Variants in P2RY6 observed in about 807,000 individuals in gnomAD.
The protein encoded by P2RY6 is P2Y purinoceptor 6.
In P2RY6, 19 loss-of-function variants were observed where a neutral mutation model predicts 16.3. The ratio of observed to expected loss-of-function variants is 1.16; its 90% CI spans 0.81 to 1.71. The LOEUF (loss-of-function observed/expected upper bound fraction) is 1.71, where lower values mean the gene tolerates loss of function less well. P2RY6 is among the 40% of genes most tolerant of loss of function. P2RY6 has a pLI of 0.00. For synonymous variants in P2RY6, 184 were observed against 201.5 expected (o/e 0.91, Z 0.74); for missense variants, 389 against 455.5 (o/e 0.85, Z 1.33).
At chr11:73,276,011 AACCTAGGACT>A (rs1863520243) in intron 1 of P2RY6, among the ~76,000 whole-genome samples, 1 of 152,260 alleles carries the variant, frequency 6.6e-6, no homozygotes, top group African/African-American at 2.4e-5. Flanking sequence ...GAGGGGATCA[AACCTAGGACT>A]ATCTGTCCCC....
At chr11:73,289,648 C>T (rs2135738924) in intron 1 of P2RY6, among the ~76,000 whole-genome samples, 1 of 152,362 alleles carries the variant, frequency 6.6e-6, no homozygotes, top group Middle Eastern at 3.4e-3. Flanking sequence ...TCCTCTGGCG[C>T]CATCTCATGG....
chr11:73,283,455 G>T (rs1863843667), intron 1 of P2RY6, among the ~76,000 whole-genome samples: 1 of 152,166 alleles, frequency 6.6e-6, no homozygotes, highest in Admixed American at 6.5e-5. Context: ...GCCCTTTCCT[G>T]GAAGCCAGAG....
rs183747005 is a variant in P2RY6, at chr11:73,298,569, A to T, written c.*1064A>T. The T allele has an allele frequency of 6.6e-4, 110 of 166,142 alleles. No homozygotes were observed. 10.3% of individuals were successfully genotyped at this position (166,142 alleles called of 1,614,324 possible). On this transcript the variant is annotated 3_prime_UTR_variant, in exon 3 of 3. Coordinates refer to ENST00000540124, the MANE Select transcript of P2RY6 (RefSeq NM_001277204.2). Reference sequence around the variant, plus strand: ...TGCTTGAGCCCAAGAGTTTTAGACCAGCCTGGGCAACACAGTAAGACCCTG... The same window carrying T: ...TGCTTGAGCCCAAGAGTTTTAGACCTGCCTGGGCAACACAGTAAGACCCTG...
At chr11:73,289,675 C>T (rs983267558) in intron 1 of P2RY6, among the ~76,000 whole-genome samples, 54 of 152,324 alleles carry the variant, frequency 3.5e-4, no homozygotes, top group African/African-American at 1.0e-3. Flanking sequence ...GGTCTCAATG[C>T]AGGGAAGACC....
At chr11:73,292,508 T>C (rs1864298557) in intron 1 of P2RY6, among the ~76,000 whole-genome samples, 1 of 152,158 alleles carries the variant, frequency 6.6e-6, no homozygotes, top group Admixed American at 6.5e-5. Flanking sequence ...CCCTACCCAT[T>C]TGACAACTGA....
intron 1 of P2RY6, among the ~76,000 whole-genome samples, chr11:73,281,938 A>G (rs1221163975): frequency 6.6e-6 from 1 of 152,208 alleles, no homozygotes; most frequent in African/African-American, 2.4e-5. Context: ...AACCAAAGCC[A>G]TGCCTTTGCT....
chr11:73,277,337 C>T (rs940606157), intron 1 of P2RY6, among the ~76,000 whole-genome samples: 3 of 95,588 alleles, frequency 3.1e-5, no homozygotes, highest in African/African-American at 2.2e-4. Flanking sequence ...CAGTCTCAAA[C>T]TCTGCCTCCC....
At chr11:73,293,780 C>T (rs1433031435) in intron 1 of P2RY6, among the ~76,000 whole-genome samples, 2 of 152,186 alleles carry the variant, frequency 1.3e-5, no homozygotes, top group East Asian at 3.9e-4. Flanking sequence ...CCAGGAGGAT[C>T]AGTCTCACCA....
At chr11:73,292,297 G>A (rs188716371) in intron 1 of P2RY6, among the ~76,000 whole-genome samples, 11 of 151,378 alleles carry the variant, frequency 7.3e-5, no homozygotes, top group Admixed American at 2.0e-4. Context: ...AGAGGGAAGC[G>A]GGGGGAGAAG....
chr11:73,286,776 C>T (rs1591683202), intron 1 of P2RY6, among the ~76,000 whole-genome samples: 2 of 152,076 alleles, frequency 1.3e-5, no homozygotes, highest in Admixed American at 1.3e-4. Context: ...AGTCTGACAC[C>T]GCCCCTTCGA....
chr11:73,277,814 ATCTC>A (rs1863600857), intron 1 of P2RY6, among the ~76,000 whole-genome samples: 1 of 152,194 alleles, frequency 6.6e-6, no homozygotes, highest in Non-Finnish European at 1.5e-5. Flanking sequence ...AGGGGACACT[ATCTC>A]TATCTTTATC....
intron 1 of P2RY6, chr11:73,292,962 G>C (rs998381665): frequency 4.0e-5 from 27 of 679,108 alleles, no homozygotes; most frequent in African/African-American, 4.1e-5. Context: ...CAGTGCAGGG[G>C]TTGCGGGGGG....
chr11:73,270,167 C>T (rs995045032), upstream of P2RY6: 1 of 152,230 alleles, frequency 6.6e-6, no homozygotes, highest in Admixed American at 6.5e-5. Flanking sequence ...TAAGTGCCTT[C>T]ACTTCCTCTA....
chr11:73,284,723 T>C (rs1327389763), intron 1 of P2RY6, among the ~76,000 whole-genome samples: 1 of 152,122 alleles, frequency 6.6e-6, no homozygotes, highest in Non-Finnish European at 1.5e-5. Context: ...TGTGTAGACA[T>C]AATTGAACCA....
exon 1 of P2RY6, chr11:73,264,589 C>T (rs1166840024): frequency 6.6e-6 from 1 of 152,504 alleles, no homozygotes; most frequent in Admixed American, 6.5e-5. Context: ...ACGGGTTCGC[C>T]TCCTAGCAGC....
rs192363232 is a variant in P2RY6 at position 73,282,508 on chromosome 11, C to A, written c.-121+10042C>A. Among the ~76,000 whole-genome samples the A allele has an allele frequency of 6.9e-3, 1,056 of 152,292 alleles. 5 individuals are homozygous for A. Among genetic ancestry groups the A allele is most frequent in the Non-Finnish European group, 9.7e-3 (658 of 68,038 alleles). On this transcript the variant is annotated intron_variant, in intron 1 of 2. Transcript: ENST00000540124. ...AACACTTGCAGGTACTCTGAGGTCCCACATCTCCAGCAGGTCTCTCTGCCT... is the reference window on the plus strand; with the variant it reads ...AACACTTGCAGGTACTCTGAGGTCCAACATCTCCAGCAGGTCTCTCTGCCT...
intron 1 of P2RY6, among the ~76,000 whole-genome samples, chr11:73,284,353 G>A (rs1863881285): frequency 6.6e-6 from 1 of 152,128 alleles, no homozygotes. Context: ...GGCCTAGGCT[G>A]GCAAGGGGAG....
intron 1 of P2RY6, among the ~76,000 whole-genome samples, chr11:73,274,779 A>G (rs988213305): frequency 6.6e-6 from 1 of 152,206 alleles, no homozygotes; most frequent in Non-Finnish European, 1.5e-5. Context: ...GGTGCCCATT[A>G]CAGCAGAGGA....
intron 1 of P2RY6, among the ~76,000 whole-genome samples, chr11:73,290,369 A>C (rs1008750252): frequency 6.6e-6 from 1 of 150,398 alleles, no homozygotes; most frequent in Non-Finnish European, 1.5e-5. Context: ...GAAAGAAGGA[A>C]AGAAAGAGAA....
Sources: gnomAD v4.1 joint callset for allele counts (sites outside exome capture counted in the v4.1 genomes callset) on GRCh38, gnomAD v4.1.1 for gene constraint, MANE v1.5 for transcripts, NCBI Gene and HGNC (gene_info 2026-07-23, HGNC 2026-07-21) for gene names.